Variants in ISG20 observed in about 807,000 individuals in gnomAD.
The protein encoded by ISG20 is interferon stimulated exonuclease gene 20, also known as interferon-stimulated gene 20 kDa protein.
A neutral mutation model predicts 11.1 loss-of-function variants in ISG20; 8 were observed. The observed-to-expected ratio is 0.72, with a 90% CI of 0.42 to 1.30. ISG20 has a LOEUF of 1.30. ISG20 is among the 50% of genes most tolerant of loss of function. The pLI, the probability that ISG20 is intolerant of heterozygous loss-of-function variation, is 0.01. For missense variants in ISG20, 243 were observed against 250.2 expected (o/e 0.97, Z 0.19); for synonymous variants, 110 against 101.7 (o/e 1.08, Z -0.49).
rs552370293 is a variant in ISG20 at position 88,644,807 on chromosome 15, C to G, written c.228+5213C>G. Among the ~76,000 whole-genome samples the G allele has an allele frequency of 2.6e-5, 4 of 152,274 alleles. No individual in the cohort carries two copies. In the East Asian group the frequency reaches 7.7e-4, roughly 29 times the overall value. ...GTCAGGGTGGGCAGTATGTCCCTCTCCTTCCTCCTTGTCCCCAATTTCCCT... is the reference window on the plus strand; with the variant it reads ...GTCAGGGTGGGCAGTATGTCCCTCTGCTTCCTCCTTGTCCCCAATTTCCCT... On this transcript the variant is annotated intron_variant, in intron 2 of 3. Coordinates refer to ENST00000306072, the MANE Select transcript of ISG20 (RefSeq NM_002201.6).
At chr15:88,638,246 T>C (rs373308705), upstream of ISG20, among the ~76,000 whole-genome samples, 3 of 152,234 alleles carry the variant, frequency 2.0e-5, no homozygotes, top group South Asian at 4.1e-4. Context: ...ACTTCCCTCA[T>C]TGAAAGTTGA....
intron 2 of ISG20, among the ~76,000 whole-genome samples, chr15:88,641,926 C>CTTTTTTTTTT (rs140178121): frequency 9.7e-6 from 1 of 102,848 alleles, no homozygotes; most frequent in African/African-American, 3.6e-5. Context: ...TTAGCTTCCT[C>CTTTTTTTTTT]TTTTTTTTTT....
intron 2 of ISG20, among the ~76,000 whole-genome samples, chr15:88,640,729 G>A (rs147823464): frequency 0.022 from 3,325 of 152,098 alleles, 63 homozygotes; most frequent in African/African-American, 0.053. Context: ...GGTGGGAGGC[G>A]GAGGCAGATG....
chr15:88,652,357 T>A, intron 3 of ISG20, 47 bp downstream of exon 3: 1 of 814,238 alleles, frequency 1.2e-6, no homozygotes, highest in South Asian at 1.8e-5. Context: ...CTCCCCCTCC[T>A]CCCCCTCCTC....
At chr15:88,642,224 C>T (rs1366275640) in intron 2 of ISG20, among the ~76,000 whole-genome samples, 3 of 152,066 alleles carry the variant, frequency 2.0e-5, no homozygotes, top group African/African-American at 7.2e-5. Flanking sequence ...TCACTGTGCC[C>T]AGCCAACTTC....
chr15:88,651,794 A>G (rs1298407565), intron 2 of ISG20: 3 of 1,173,364 alleles, frequency 2.6e-6, no homozygotes, highest in African/African-American at 1.6e-5. Context: ...AGATTAAACA[A>G]CATAATATAC....
chr15:88,639,344 A>G lies in ISG20; in HGVS notation c.-23A>G. 6.3e-7 allele frequency: 1 copy of G among 1,585,018 alleles called. No individual in the cohort carries two copies. The highest frequency in any genetic ancestry group is 8.6e-7 in the Non-Finnish European group (1 of 1,160,102). ...CGCCCCCCATACCCCTCTCTCCAGC[A>G]TCTCTGAGGGTCCCCAAGGAACATG... On this transcript the variant is annotated splice_region_variant and 5_prime_UTR_variant, in exon 2 of 4. Coordinates refer to ENST00000306072, the MANE Select transcript of ISG20 (RefSeq NM_002201.6). This position sits in a 1 kb window ranked among gnomAD's most constrained non-coding sequence, Gnocchi z 4.2.
chr15:88,649,503 G>A (rs1284017032), intron 2 of ISG20: 1 of 152,338 alleles, frequency 6.6e-6, no homozygotes, highest in Non-Finnish European at 1.5e-5. Flanking sequence ...CCTGAGCCAA[G>A]CCCCTAGATG....
intron 2 of ISG20, among the ~76,000 whole-genome samples, chr15:88,641,243 G>T (rs182431028): frequency 2.0e-5 from 3 of 152,082 alleles, no homozygotes; most frequent in South Asian, 4.1e-4. Flanking sequence ...CAGGTGATCC[G>T]CCCACCTCGG....
intron 2 of ISG20, chr15:88,649,326 G>A (rs1415003792): frequency 6.6e-6 from 1 of 152,186 alleles, no homozygotes; most frequent in African/African-American, 2.4e-5. Flanking sequence ...GAGTCACATA[G>A]TGCCTCATGT....
rs760065994 is a variant in ISG20, at chr15:88,656,288, A to C, written c.*757A>C. 6.6e-6 allele frequency: 1 copy of C among 152,114 alleles called. No individual in the cohort carries two copies. Among genetic ancestry groups the C allele is most frequent in the Non-Finnish European group, 1.5e-5 (1 of 68,036 alleles). 9.4% of individuals were successfully genotyped at this position (152,114 alleles called of 1,614,324 possible). A position where few individuals can be genotyped will look rare whatever the true frequency, so the allele number is the denominator to read the frequency against. ...AATTGTTCTTCCCTGGACTGCCTGC[A>C]CATCTAGGGCACCCCAGGAAGAGTC... is the stretch of plus-strand genomic sequence containing the variant. On this transcript the variant is annotated 3_prime_UTR_variant, in exon 4 of 4. Coordinates refer to ENST00000306072, the MANE Select transcript of ISG20 (RefSeq NM_002201.6).
At chr15:88,636,876 C>T (rs750602171), upstream of ISG20, among the ~76,000 whole-genome samples, 22 of 152,100 alleles carry the variant, frequency 1.4e-4, no homozygotes, top group Non-Finnish European at 2.5e-4. Flanking sequence ...CATGGAAAGA[C>T]GTCATGGAAT....
chr15:88,639,248 C>T lies in ISG20; in HGVS notation c.-24-95C>T, dbSNP rs2058037328. 2.8e-6 allele frequency: 2 copies of T among 717,480 alleles called. No individual in the cohort carries two copies. The highest frequency in any genetic ancestry group is 5.7e-5 in the Admixed American group (2 of 35,204). 44.4% of individuals were successfully genotyped at this position (717,480 alleles called of 1,614,324 possible). On this transcript the variant is annotated intron_variant, in intron 1 of 3. Transcript: ENST00000306072. The surrounding 1 kb of genome is among the most constrained non-coding windows in gnomAD (Gnocchi z 4.2). ...GCCAGGTGGTGTCGGAAACAAAGGG[C>T]AGGGCGGAGGGTAAGGCCAGCTGGG...
upstream of ISG20, among the ~76,000 whole-genome samples, chr15:88,637,785 G>A (rs1190904966): frequency 1.3e-5 from 2 of 152,058 alleles, no homozygotes; most frequent in Admixed American, 1.3e-4. Flanking sequence ...GGATCTTTAG[G>A]GGGTTACTTT....
chr15:88,646,206 C>A (rs1392576797), intron 2 of ISG20, among the ~76,000 whole-genome samples: 1 of 152,204 alleles, frequency 6.6e-6, no homozygotes, highest in African/African-American at 2.4e-5. Flanking sequence ...CTCTGTAACA[C>A]AGAGATGATT....
intron 3 of ISG20, 28 bp downstream of exon 3, chr15:88,652,338 TC>T (rs767828461): frequency 1.4e-5 from 19 of 1,323,542 alleles, no homozygotes; most frequent in East Asian, 2.9e-5. Flanking sequence ...CTTCTCCTCC[TC>T]CCCCCTCCTC....
At chr15:88,637,930 G>A (rs1165569258), upstream of ISG20, among the ~76,000 whole-genome samples, 3 of 152,174 alleles carry the variant, frequency 2.0e-5, no homozygotes, top group Non-Finnish European at 2.9e-5. Context: ...TTCAGGATGG[G>A]AATCAAAAAC....
In ISG20 at chr15:88,643,529, A is replaced by AC. The variant is rs1160870548; in HGVS notation, c.228+3938dup. Among the ~76,000 whole-genome samples, 1 of 151,822 alleles carries AC rather than the reference A, an allele frequency of 6.6e-6. No individual in the cohort carries two copies. The highest frequency in any genetic ancestry group is 2.4e-5 in the African/African-American group (1 of 41,298). On this transcript the variant is annotated intron_variant, in intron 2 of 3. Coordinates refer to ENST00000306072, the MANE Select transcript of ISG20 (RefSeq NM_002201.6). The surrounding 1 kb of genome is among the most constrained non-coding windows in gnomAD (Gnocchi z 4.4). ...GACCAGCCTGGCCAACATGGTGAAA[A>AC]CCCATCTCTACTGAAAATGCAAAAA...
At chr15:88,647,243 C>G (rs901235143) in intron 2 of ISG20, 5 of 152,166 alleles carry the variant, frequency 3.3e-5, no homozygotes, top group African/African-American at 4.8e-5. Context: ...GGACCCCCCC[C>G]CCACTCCACC....
Sources: gnomAD v4.1 joint callset for allele counts (sites outside exome capture counted in the v4.1 genomes callset) on GRCh38, gnomAD v4.1.1 for gene constraint, Gnocchi (gnomAD v3.1) non-coding constraint, MANE v1.5 for transcripts, NCBI Gene and HGNC (gene_info 2026-07-23, HGNC 2026-07-21) for gene names.